RAD54B: variants seen among roughly 807,000 people sequenced by gnomAD.
RAD54B encodes the protein DNA repair and recombination protein RAD54B.
In RAD54B, 78 loss-of-function variants were observed where a neutral mutation model predicts 95.8. The ratio of observed to expected loss-of-function variants is 0.81; its 90% CI spans 0.68 to 0.98. The LOEUF (loss-of-function observed/expected upper bound fraction) is 0.98. Ranked by LOEUF, RAD54B falls within the 50% of genes least tolerant of loss-of-function variation. The pLI, the probability that RAD54B is intolerant of heterozygous loss-of-function variation, is 0.00. For missense variants in RAD54B, 957 were observed against 1,056.6 expected (o/e 0.91, Z 1.31); for synonymous variants, 328 against 354.9 (o/e 0.92, Z 0.85).
chr8:94,408,956 G>A (rs1043938945), intron 4 of RAD54B, among the ~76,000 whole-genome samples: 8 of 151,100 alleles, frequency 5.3e-5, no homozygotes, highest in African/African-American at 1.2e-4. Flanking sequence ...CATCTCAGTC[G>A]CTAGAAGCTT....
At chr8:94,474,489 C>T (rs994890516) in intron 1 of RAD54B, among the ~76,000 whole-genome samples, 4 of 152,204 alleles carry the variant, frequency 2.6e-5, no homozygotes, top group Admixed American at 1.3e-4. Context: ...AGTCGAGAAG[C>T]ATCTGTTCCT....
intron 3 of RAD54B, among the ~76,000 whole-genome samples, chr8:94,420,139 C>T (rs1025118990): frequency 6.6e-6 from 1 of 151,666 alleles, no homozygotes; most frequent in African/African-American, 2.4e-5. Flanking sequence ...CACACATCAA[C>T]GAAATCACCT....
chr8:94,425,183 T>C (rs1038998654), intron 3 of RAD54B, among the ~76,000 whole-genome samples: 9 of 151,380 alleles, frequency 5.9e-5, no homozygotes, highest in Admixed American at 1.3e-4. Context: ...CACTCTGGAG[T>C]TGAATGACTT....
In RAD54B at chr8:94,400,464, CT is replaced by C; in HGVS notation, c.945-2del. ...AATAGCTCCACATCTGCCATTCATTCTGTTAGAAATAATTTTACTTCCTTTA... is the reference window on the plus strand; with the variant it reads ...AATAGCTCCACATCTGCCATTCATTCGTTAGAAATAATTTTACTTCCTTTA... On this transcript the variant is annotated splice_acceptor_variant, in intron 6 of 14. Coordinates refer to ENST00000336148, the MANE Select transcript of RAD54B (RefSeq NM_012415.3). LOFTEE classifies it high-confidence loss of function. 5 of 1,597,998 alleles carry C rather than the reference CT, an allele frequency of 3.1e-6. No homozygotes were observed. The Admixed American group carries it at 6.9e-5, about 22-fold the overall frequency.
intron 1 of RAD54B, among the ~76,000 whole-genome samples, chr8:94,472,931 C>A (rs775053555): frequency 6.6e-6 from 1 of 151,430 alleles, no homozygotes; most frequent in Non-Finnish European, 1.5e-5. Context: ...ACCATCAGCA[C>A]AGAGCAGTGG....
chr8:94,415,231 A>T (rs892211641), intron 3 of RAD54B, among the ~76,000 whole-genome samples: 11 of 151,192 alleles, frequency 7.3e-5, no homozygotes, highest in African/African-American at 2.7e-4. Flanking sequence ...CAACTATCTG[A>T]TCTTTGACAA....
rs374100160 is a variant in RAD54B, at chr8:94,378,572, A to C, written c.2310T>G (p.Thr770=). ...GTCACACTGAAGGGTTGTTACCTGT[A>C]GTTAGGAGTCTGTAAATATGTACAG... ...KYPVHIYRLL[T]TGTIEEKIYQ... Residue 770 remains threonine, a synonymous_variant, in exon 13 of 15, where the codon ACT becomes ACG. Transcript: ENST00000336148. 7.5e-6 allele frequency: 12 copies of C among 1,604,044 alleles called. No individual in the cohort carries two copies. Among genetic ancestry groups the C allele is most frequent in the Non-Finnish European group, 1.0e-5 (12 of 1,174,134 alleles).
chr8:94,417,381 G>A (rs770610687), intron 3 of RAD54B, among the ~76,000 whole-genome samples: 96 of 151,842 alleles, frequency 6.3e-4, no homozygotes, highest in Non-Finnish European at 1.2e-3. Context: ...CACTTTACAT[G>A]ACTGAATCAT....
chr8:94,403,031 G>A (rs975306379), intron 6 of RAD54B, among the ~76,000 whole-genome samples: 4 of 152,140 alleles, frequency 2.6e-5, no homozygotes, highest in South Asian at 2.1e-4. Context: ...AAGCAGATTT[G>A]GGAGGAAATA....
At chr8:94,377,365 G>A (rs113409865) in intron 14 of RAD54B, among the ~76,000 whole-genome samples, 12 of 150,986 alleles carry the variant, frequency 7.9e-5, no homozygotes, top group African/African-American at 2.7e-4. Context: ...AAGAAATCTC[G>A]TCTCTACAAA....
rs527966866 is a variant in RAD54B at position 94,471,915 on chromosome 8, T to C, written c.-17+3086A>G. Among the ~76,000 whole-genome samples the C allele has an allele frequency of 5.3e-5, 8 of 152,088 alleles. No homozygotes were observed. The East Asian group carries it at 1.2e-3, about 22-fold the overall frequency. Reference sequence around the variant, plus strand: ...AAAAATTTTAAAAATAAAAATTTTTTAAATTGTAAGATGTACCATTATTTT... The same window carrying C: ...AAAAATTTTAAAAATAAAAATTTTTCAAATTGTAAGATGTACCATTATTTT... On this transcript the variant is annotated intron_variant, in intron 1 of 14. Coordinates refer to ENST00000336148, the MANE Select transcript of RAD54B (RefSeq NM_012415.3).
intron 3 of RAD54B, chr8:94,436,933 CTT>C (rs1284754747): frequency 2.1e-6 from 3 of 1,455,704 alleles, no homozygotes; most frequent in Non-Finnish European, 2.7e-6. Flanking sequence ...CTGCTCAGCT[CTT>C]TTCACAAACA....
Position 94,444,250 on chromosome 8 carries a change from C to A in RAD54B, c.304+14018G>T, listed in dbSNP as rs1316778690. On this transcript the variant is annotated intron_variant, in intron 3 of 14. Transcript: ENST00000336148. ...GTTGAAGAAGTTGGGAAAATAAATT[C>A]TCTCATACACTAATGATGGCAGTCA... Among the ~76,000 whole-genome samples the A allele has an allele frequency of 2.0e-5, 3 of 151,980 alleles. No homozygotes were observed. In the East Asian group the frequency reaches 5.8e-4, roughly 29 times the overall value.
At chr8:94,401,104 T>C (rs772198721) in intron 6 of RAD54B, among the ~76,000 whole-genome samples, 1 of 152,202 alleles carries the variant, frequency 6.6e-6, no homozygotes, top group African/African-American at 2.4e-5. Flanking sequence ...TAGAAGTGTA[T>C]GTTTTATATT....
chr8:94,449,410 C>G (rs1046125509), intron 3 of RAD54B, among the ~76,000 whole-genome samples: 2 of 151,940 alleles, frequency 1.3e-5, no homozygotes, highest in African/African-American at 4.8e-5. Flanking sequence ...GAGTTCAAGA[C>G]CAGCTGGCCA....
At chr8:94,375,014 C>T (rs1238848246) in intron 14 of RAD54B, among the ~76,000 whole-genome samples, 3 of 152,140 alleles carry the variant, frequency 2.0e-5, no homozygotes, top group Non-Finnish European at 4.4e-5. Flanking sequence ...AATATACAAA[C>T]ATTTGATAAT....
At chr8:94,417,249 G>T (rs1811695564) in intron 3 of RAD54B, among the ~76,000 whole-genome samples, 1 of 152,112 alleles carries the variant, frequency 6.6e-6, no homozygotes, top group Non-Finnish European at 1.5e-5. Flanking sequence ...ATGGGGTTAG[G>T]AAGCAGGGTG....
intron 3 of RAD54B, among the ~76,000 whole-genome samples, chr8:94,437,610 T>C (rs1362137009): frequency 6.6e-6 from 1 of 152,150 alleles, no homozygotes; most frequent in Admixed American, 6.5e-5. Flanking sequence ...CAGGTAAAAA[T>C]CATGTTTTTA....
In RAD54B at chr8:94,440,729, T is replaced by C. The variant is rs957939337; in HGVS notation, c.304+17539A>G. Among the ~76,000 whole-genome samples the C allele has an allele frequency of 9.2e-5, 14 of 152,142 alleles. 1 individual carries two copies. The highest frequency in any genetic ancestry group is 8.5e-4 in the Admixed American group (13 of 15,276). ...CCAAGCAAGAAGTTAAGTTCTGCAG[T>C]GGAGAGGAGCCGGGTATCCTCTAAT... On this transcript the variant is annotated intron_variant, in intron 3 of 14. Transcript: ENST00000336148.
Sources: gnomAD v4.1 joint callset for allele counts (sites outside exome capture counted in the v4.1 genomes callset) on GRCh38, gnomAD v4.1.1 for gene constraint, MANE v1.5 for transcripts, NCBI Gene and HGNC (gene_info 2026-07-23, HGNC 2026-07-21) for gene names.